Variants in PDE5A observed in about 807,000 individuals in gnomAD.
PDE5A encodes the protein phosphodiesterase 5A.
A neutral mutation model predicts 110.2 loss-of-function variants in PDE5A; 67 were observed. The observed-to-expected ratio is 0.61, with a 90% CI of 0.50 to 0.75. The LOEUF is 0.75. PDE5A is among the 30% of genes least tolerant of loss of function. PDE5A has a pLI of 0.00. For synonymous variants in PDE5A, 328 were observed against 351.2 expected (o/e 0.93, Z 0.74); for missense variants, 862 against 1,045.1 (o/e 0.82, Z 2.42).
rs1730386313 is a variant in PDE5A at position 119,627,270 on chromosome 4, G to A, written c.152+1250C>T. On this transcript the variant is annotated intron_variant, in intron 1 of 20. Coordinates refer to ENST00000354960, the MANE Select transcript of PDE5A (RefSeq NM_001083.4). This position sits in a 1 kb window ranked among gnomAD's most constrained non-coding sequence, Gnocchi z 4.6. Reference sequence around the variant, plus strand: ...ACGCGCGCAGGTGAGGTGAGGTGAGGTCGGCGACTCAGAACCAGCTCCCTC... The same window carrying A: ...ACGCGCGCAGGTGAGGTGAGGTGAGATCGGCGACTCAGAACCAGCTCCCTC... The A allele has an allele frequency of 6.4e-7, 1 of 1,561,418 alleles. No individual in the cohort carries two copies. The highest frequency in any genetic ancestry group is 8.7e-7 in the Non-Finnish European group (1 of 1,151,522).
chr4:119,623,083 T>G (rs1046604020), intron 1 of PDE5A, among the ~76,000 whole-genome samples: 1 of 149,754 alleles, frequency 6.7e-6, no homozygotes, highest in Non-Finnish European at 1.5e-5. Context: ...AGTCAGTAAA[T>G]AAGATTACAG....
rs1224593188 is a variant in PDE5A, at chr4:119,542,468, G to A, written c.1563C>T (p.Val521=). 2 of 1,613,534 alleles carry A rather than the reference G, an allele frequency of 1.2e-6. No homozygotes were observed. The highest frequency in any genetic ancestry group is 2.2e-5 in the East Asian group (1 of 44,874). The change falls in exon 10 of 21, where the codon GTC becomes GTT. Residue 521 remains valine (V), a synonymous_variant. Transcript: ENST00000354960. ...AVERAMAKQM[V]TLEVLSYHAS... ...CCTAAACTTCACCCACCTCCAATGT[G>A]ACCATTTGCTTGGCCATGGCTCTCT...
rs556164910 is a variant in PDE5A at position 119,613,580 on chromosome 4, G to A, written c.153-6283C>T. Reference sequence around the variant, plus strand: ...AGGTAAATGTACACAAATAAGTAACGGAAAAGATGATTGTGAACATGTCCA... The same window carrying A: ...AGGTAAATGTACACAAATAAGTAACAGAAAAGATGATTGTGAACATGTCCA... On this transcript the variant is annotated intron_variant, in intron 1 of 20. Coordinates refer to ENST00000354960, the MANE Select transcript of PDE5A (RefSeq NM_001083.4). Among the ~76,000 whole-genome samples, 12 of 152,182 alleles carry A rather than the reference G, an allele frequency of 7.9e-5. No homozygotes were observed. The East Asian group carries it at 1.7e-3, about 22-fold the overall frequency.
chr4:119,511,745 C>A (rs1725750662), intron 14 of PDE5A, among the ~76,000 whole-genome samples: 1 of 152,040 alleles, frequency 6.6e-6, no homozygotes, highest in African/African-American at 2.4e-5. Flanking sequence ...CATTTTAGTG[C>A]AGAATATCCT....
chr4:119,628,482 G>A (rs762639243), intron 1 of PDE5A, 38 bp downstream of exon 1: 39 of 1,498,924 alleles, frequency 2.6e-5, no homozygotes, highest in Admixed American at 4.0e-5. Flanking sequence ...ACAGGGGAGA[G>A]AAATCAGCCC....
chr4:119,542,564 T>G lies in PDE5A; in HGVS notation c.1467A>C (p.Glu489Asp), dbSNP rs202155712. Residue 489 changes from glutamate to aspartate, a missense_variant, in exon 10 of 21, where the codon GAA becomes GAC. Glu to Asp is a conservative substitution (Grantham distance 45). Coordinates refer to ENST00000354960, the MANE Select transcript of PDE5A (RefSeq NM_001083.4). Reference sequence around the variant, plus strand: ...AGATGACAAAAGCTTCCAGAAACTGTTCGTCATTTCGGTTGAAAGGCTTAA... The same window carrying G: ...AGATGACAAAAGCTTCCAGAAACTGGTCGTCATTTCGGTTGAAAGGCTTAA... ...GKVKPFNRND[E>D]QFLEAFVIFC... 107 of 1,613,896 alleles carry G rather than the reference T, an allele frequency of 6.6e-5. 1 individual carries two copies. Among genetic ancestry groups the G allele is most frequent in the Non-Finnish European group, 8.5e-7 (1 of 1,179,932 alleles).
At chr4:119,530,731 TC>T (rs1284160450) in intron 11 of PDE5A, among the ~76,000 whole-genome samples, 1 of 152,104 alleles carries the variant, frequency 6.6e-6, no homozygotes, top group Non-Finnish European at 1.5e-5. Context: ...TTTTAAATCA[TC>T]TAGTACCTAA....
At chr4:119,523,875 G>A (rs181945510) in intron 12 of PDE5A, among the ~76,000 whole-genome samples, 13 of 152,086 alleles carry the variant, frequency 8.5e-5, no homozygotes, top group African/African-American at 2.6e-4. Flanking sequence ...ATACTATATA[G>A]GTTTATAAAG....
intron 1 of PDE5A, among the ~76,000 whole-genome samples, chr4:119,608,416 T>C (rs1425524112): frequency 6.6e-6 from 1 of 152,236 alleles, no homozygotes; most frequent in Non-Finnish European, 1.5e-5. Context: ...TAGAACGCTG[T>C]AGTCTTACAC....
chr4:119,581,564 A>C (rs1204247203), intron 3 of PDE5A, among the ~76,000 whole-genome samples: 1 of 152,232 alleles, frequency 6.6e-6, no homozygotes, highest in African/African-American at 2.4e-5. Flanking sequence ...CAAATGGAAG[A>C]TGTGCCTGAG....
chr4:119,569,477 G>C (rs991746957), intron 3 of PDE5A, among the ~76,000 whole-genome samples: 3 of 151,522 alleles, frequency 2.0e-5, no homozygotes, highest in Admixed American at 6.6e-5. Context: ...CATATACCCT[G>C]TAAATTTGTA....
chr4:119,505,854 CA>C lies in PDE5A; in HGVS notation c.2267del (p.Leu756TrpfsTer4). 6.5e-7 allele frequency: 1 copy of C among 1,539,476 alleles called. No individual in the cohort carries two copies. The highest frequency in any genetic ancestry group is 2.0e-5 in the Admixed American group (1 of 49,866). ...GCTTTAAAGATAGTAAACCTACTTA[CA>C]AAAACAACTCCTTTTGATGAGGATC... ...LEDPHQKELF[L>X]AMLMTACDLS... is the part of the protein sequence containing the mutation. On this transcript the variant is annotated frameshift_variant and splice_region_variant, in exon 17 of 21. Coordinates refer to ENST00000354960, the MANE Select transcript of PDE5A (RefSeq NM_001083.4). LOFTEE classifies it high-confidence loss of function.
At chr4:119,591,263 T>C (rs188097007) in intron 3 of PDE5A, among the ~76,000 whole-genome samples, 9 of 152,346 alleles carry the variant, frequency 5.9e-5, no homozygotes, top group Admixed American at 5.9e-4. Flanking sequence ...TTTTAAAGAA[T>C]AGTAGCTGAT....
chr4:119,524,780 C>CT (rs779977613), intron 12 of PDE5A, among the ~76,000 whole-genome samples: 1 of 151,918 alleles, frequency 6.6e-6, no homozygotes, highest in African/African-American at 2.4e-5. Context: ...TTACTGAATT[C>CT]TTTTTTTTAA....
chr4:119,569,676 T>C (rs1447852356), intron 3 of PDE5A: 1 of 152,586 alleles, frequency 6.6e-6, no homozygotes, highest in Non-Finnish European at 1.5e-5. Flanking sequence ...ACTCACATTA[T>C]ATTAGGTAGT....
chr4:119,585,717 T>A (rs888928521), intron 3 of PDE5A, among the ~76,000 whole-genome samples: 1 of 152,238 alleles, frequency 6.6e-6, no homozygotes, highest in African/African-American at 2.4e-5. Flanking sequence ...CCTAATTCCC[T>A]TCCTCTTGAG....
At position 119,498,992 on chromosome 4, in the gene PDE5A, A is replaced by G. The variant is rs76051661; in HGVS notation, c.2491-254T>C. ...AATAACATTACTGTGCTAGGGAGAC[A>G]GATCTGTGTGGAATCCACTTTTAGG... On this transcript the variant is annotated intron_variant, in intron 20 of 20. Transcript: ENST00000354960. Among the ~76,000 whole-genome samples the G allele has an allele frequency of 7.4e-3, 1,120 of 152,306 alleles. 13 individuals carry two copies. Among genetic ancestry groups the G allele is most frequent in the African/African-American group, 0.026 (1,062 of 41,572 alleles).
chr4:119,537,405 T>A (rs1235172383), intron 11 of PDE5A, among the ~76,000 whole-genome samples: 1 of 152,028 alleles, frequency 6.6e-6, no homozygotes, highest in Non-Finnish European at 1.5e-5. Context: ...TTTTTCACAA[T>A]CCTCATATTT....
intron 15 of PDE5A, among the ~76,000 whole-genome samples, chr4:119,509,628 G>A (rs1043422605): frequency 1.3e-5 from 2 of 151,882 alleles, no homozygotes; most frequent in African/African-American, 4.8e-5. Context: ...ATGATAGAAC[G>A]TCTATAGTAT....
Sources: allele counts gnomAD v4.1 joint callset (sites outside exome capture counted in the v4.1 genomes callset), GRCh38; gene constraint gnomAD v4.1.1; non-coding constraint Gnocchi (gnomAD v3.1); transcripts MANE v1.5; gene names NCBI Gene and HGNC (gene_info 2026-07-23, HGNC 2026-07-21).